The following RICTOR variants were observed in gnomAD, a reference collection of about 807,000 sequenced individuals.
The protein encoded by RICTOR is RPTOR independent companion of MTOR complex 2.
RICTOR carries 49 observed loss-of-function variants against 214.9 expected under a neutral mutation model. The observed-to-expected ratio is 0.23, with a 90% CI of 0.18 to 0.29. RICTOR has a LOEUF of 0.29. Ranked by LOEUF, RICTOR falls within the 10% of genes least tolerant of loss-of-function variation. RICTOR has a pLI of 1.00. For missense variants in RICTOR, 1,625 were observed against 2,047.0 expected (o/e 0.79, Z 3.98); for synonymous variants, 717 against 711.3 (o/e 1.01, Z -0.13).
At chr5:38,946,720 A>G (rs1341275806) in intron 32 of RICTOR, among the ~76,000 whole-genome samples, 168 bp from the exon 33 acceptor site, 2 of 152,182 alleles carry the variant, frequency 1.3e-5, no homozygotes, top group African/African-American at 4.8e-5. Flanking sequence ...AATAACCCAA[A>G]AAGTCCTTAT....
In RICTOR at chr5:38,959,818, T is replaced by A; in HGVS notation, c.2012A>T (p.His671Leu). 1 of 1,613,400 alleles carries A rather than the reference T, an allele frequency of 6.2e-7. No individual in the cohort carries two copies. Residue 671 changes from histidine (H) to leucine (L), a missense_variant, in exon 21 of 38, where the codon CAT (histidine) becomes CTT (leucine). By Grantham distance (99) the His-to-Leu change is moderately conservative. Coordinates refer to ENST00000357387, the MANE Select transcript of RICTOR (RefSeq NM_152756.5). ...LFIGTLSCHP[H>L]GVKMLEKCSV... ...GCATTTTTCCAGCATTTTAACTCCA[T>A]GAGGGTGGCAAGAAAGTGTTCCAAT... is the stretch of plus-strand genomic sequence containing the variant.
Position 38,950,545 on chromosome 5 carries a change from C to T in RICTOR, c.3303G>A (p.Ser1101=), listed in dbSNP as rs199536669. The T allele has an allele frequency of 1.1e-5, 18 of 1,612,864 alleles. No homozygotes were observed. Among genetic ancestry groups the T allele is most frequent in the African/African-American group, 8.0e-5 (6 of 74,752 alleles). Residue 1101 remains serine (S), a synonymous_variant, in exon 31 of 38, where the codon TCG becomes TCA. Transcript: ENST00000357387. The part of the protein sequence containing the change: ...SKLVKNRILN[S]LTLPNKKHRS... ...GATGTTTTTTGTTAGGCAAAGTAAGCGAATTTAAGATACGATTCTTCACAA... is the reference window on the plus strand; with the variant it reads ...GATGTTTTTTGTTAGGCAAAGTAAGTGAATTTAAGATACGATTCTTCACAA...
At position 38,944,907 on chromosome 5, in the gene RICTOR, A is replaced by C. The variant is rs1201682718; in HGVS notation, c.4789+6T>G. Reference sequence around the variant, plus strand: ...ATAATGATTGGATTTGAATCTGAAGACTCACCTAGTAACAATTCTGTGCTT... The same window carrying C: ...ATAATGATTGGATTTGAATCTGAAGCCTCACCTAGTAACAATTCTGTGCTT... On this transcript the variant is annotated splice_donor_region_variant and intron_variant, in intron 35 of 37. Coordinates refer to ENST00000357387, the MANE Select transcript of RICTOR (RefSeq NM_152756.5). 1.2e-6 allele frequency: 2 copies of C among 1,612,406 alleles called. No homozygotes were observed. Among genetic ancestry groups the C allele is most frequent in the South Asian group, 2.2e-5 (2 of 91,006 alleles).
At chr5:39,018,731 T>G (rs1398632795) in intron 3 of RICTOR, among the ~76,000 whole-genome samples, 1 of 152,038 alleles carries the variant, frequency 6.6e-6, no homozygotes, top group African/African-American at 2.4e-5. Flanking sequence ...GCCTATTTCC[T>G]GAGACAAAAT....
intron 2 of RICTOR, among the ~76,000 whole-genome samples, chr5:39,022,127 A>G (rs1033773921): frequency 6.6e-6 from 1 of 152,222 alleles, no homozygotes; most frequent in Non-Finnish European, 1.5e-5. Context: ...GTCTTGCCCA[A>G]CTATAGGCTA....
intron 2 of RICTOR, among the ~76,000 whole-genome samples, chr5:39,039,121 T>C (rs1439428599): frequency 1.3e-5 from 2 of 152,036 alleles, no homozygotes; most frequent in Admixed American, 1.3e-4. Flanking sequence ...AACAGAGATA[T>C]AGACCAATGG....
At chr5:39,000,168 T>C (rs1249834658) in intron 5 of RICTOR, among the ~76,000 whole-genome samples, 1 of 151,884 alleles carries the variant, frequency 6.6e-6, no homozygotes, top group Non-Finnish European at 1.5e-5. Context: ...ATTGAGTCTA[T>C]AATTTTAAAA....
intron 27 of RICTOR, 51 bp downstream of exon 27, chr5:38,954,723 G>GC: frequency 2.0e-6 from 2 of 983,546 alleles, no homozygotes; most frequent in Non-Finnish European, 3.1e-6. Flanking sequence ...TTAAGATTTT[G>GC]TTTTTTTTTT....
At chr5:38,943,901 G>T (rs1747886363) in intron 36 of RICTOR, among the ~76,000 whole-genome samples, 1 of 151,980 alleles carries the variant, frequency 6.6e-6, no homozygotes, top group Non-Finnish European at 1.5e-5. Flanking sequence ...TAAATAATAA[G>T]AAAAAAATTA....
At chr5:38,976,347 T>C (rs1751228386) in intron 9 of RICTOR, among the ~76,000 whole-genome samples, 1 of 152,030 alleles carries the variant, frequency 6.6e-6, no homozygotes, top group Admixed American at 6.6e-5. Context: ...TTTTTAATGG[T>C]TGTGAGCATA....
In RICTOR at chr5:38,966,688, G is replaced by C. The variant is rs145165444; in HGVS notation, c.1252C>G (p.His418Asp). Reference sequence around the variant, plus strand: ...AGGATGGTAGCTCTAACTGAGATATGATCATCACTGTTTGTTATCACTTCA... The same window carrying C: ...AGGATGGTAGCTCTAACTGAGATATCATCATCACTGTTTGTTATCACTTCA... ...LVEVITNSDD[H>D]ISVRATILLG... The change falls in exon 15 of 38, where the codon CAT becomes GAT. Residue 418 changes from histidine to aspartate, a missense_variant. Physicochemically the swap from His to Asp is moderately conservative, Grantham distance 81. Transcript: ENST00000357387. The C allele has an allele frequency of 6.3e-7, 1 of 1,595,644 alleles. No individual in the cohort carries two copies. Among genetic ancestry groups the C allele is most frequent in the Non-Finnish European group, 8.6e-7 (1 of 1,165,634 alleles).
intron 10 of RICTOR, among the ~76,000 whole-genome samples, chr5:38,972,478 G>A (rs996547525): frequency 4.6e-5 from 7 of 152,146 alleles, no homozygotes; most frequent in Admixed American, 2.0e-4. Flanking sequence ...CACAAAAGAC[G>A]TATGAATAGC....
chr5:39,016,335 G>C (rs928276639), intron 3 of RICTOR, among the ~76,000 whole-genome samples: 1 of 148,336 alleles, frequency 6.7e-6, no homozygotes, highest in African/African-American at 2.5e-5. Context: ...ACAGAGAAGG[G>C]GGGAGAGGGA....
At chr5:38,997,185 T>TA (rs1016442373) in intron 5 of RICTOR, among the ~76,000 whole-genome samples, 6 of 152,110 alleles carry the variant, frequency 3.9e-5, no homozygotes, top group Non-Finnish European at 7.4e-5. Flanking sequence ...AAAAGTCTAC[T>TA]AAAAAAATTC....
intron 6 of RICTOR, among the ~76,000 whole-genome samples, chr5:38,994,419 TAAAAAAAAAAAAA>T (rs869254811): frequency 1.6e-4 from 9 of 57,144 alleles, no homozygotes; most frequent in East Asian, 1.0e-3. Context: ...AAGGTTTTAC[TAAAAAAAAAAAAA>T]AAAAAAAAAA....
intron 2 of RICTOR, among the ~76,000 whole-genome samples, chr5:39,032,682 G>GA (rs2150153182): frequency 6.6e-6 from 1 of 152,318 alleles, no homozygotes; most frequent in Non-Finnish European, 1.5e-5. Flanking sequence ...TTCATGAGCA[G>GA]AAACTGCTGG....
Position 38,945,582 on chromosome 5 carries a change from T to C in RICTOR, c.4542A>G (p.Glu1514=). Residue 1514 remains glutamate (E), a synonymous_variant, in exon 34 of 38, where the codon GAA becomes GAG. Coordinates refer to ENST00000357387, the MANE Select transcript of RICTOR (RefSeq NM_152756.5). ...AATAAAGGCAGTTATCATCTGTATG[T>C]TCCTGTAGTCCAGTGTCTTCTGTAC... ...LESTEDTGLQ[E]HTDDNCLYCV... 6.2e-7 allele frequency: 1 copy of C among 1,614,068 alleles called. No individual in the cohort carries two copies. Among genetic ancestry groups the C allele is most frequent in the Non-Finnish European group, 8.5e-7 (1 of 1,179,922 alleles).
At chr5:39,026,735 C>T (rs1415010332) in intron 2 of RICTOR, among the ~76,000 whole-genome samples, 5 of 151,716 alleles carry the variant, frequency 3.3e-5, no homozygotes, top group South Asian at 2.1e-4. Context: ...TGGCCAGGTG[C>T]GGTGGCTCAC....
chr5:38,980,044 C>A (rs984050912), intron 8 of RICTOR, among the ~76,000 whole-genome samples: 1 of 152,086 alleles, frequency 6.6e-6, no homozygotes, highest in African/African-American at 2.4e-5. Context: ...ATTTTAATTT[C>A]ATTGTGCTCT....
Sources: allele counts gnomAD v4.1 joint callset (sites outside exome capture counted in the v4.1 genomes callset), GRCh38; gene constraint gnomAD v4.1.1; transcripts MANE v1.5; gene names NCBI Gene and HGNC (gene_info 2026-07-23, HGNC 2026-07-21).